Variants in MACF1 observed in about 807,000 individuals in gnomAD.
The protein encoded by MACF1 is microtubule actin crosslinking factor 1.
A neutral mutation model predicts 854.8 loss-of-function variants in MACF1; 193 were observed. That is an observed-to-expected ratio of 0.23 (90% CI 0.20 to 0.25). The LOEUF (loss-of-function observed/expected upper bound fraction) is 0.25, where lower values mean the gene tolerates loss of function less well. Ranked by LOEUF, MACF1 falls within the 10% of genes least tolerant of loss-of-function variation. The probability of loss-of-function intolerance (pLI) is 1.00; values close to 1 mark genes in which losing one functional copy is unlikely to be tolerated. For synonymous variants in MACF1, 3,185 were observed against 3,226.7 expected (o/e 0.99, Z 0.44); for missense variants, 7,722 against 8,929.1 (o/e 0.86, Z 5.45).
At chr1:39,421,524 C>T (rs1052743022) in intron 58 of MACF1, among the ~76,000 whole-genome samples, 1 of 152,106 alleles carries the variant, frequency 6.6e-6, no homozygotes, top group Non-Finnish European at 1.5e-5. Context: ...TAAATGGCCA[C>T]AGGAGGATTA....
chr1:39,277,601 C>A (rs1645462471), intron 6 of MACF1, among the ~76,000 whole-genome samples: 1 of 152,144 alleles, frequency 6.6e-6, no homozygotes, highest in African/African-American at 2.4e-5. Flanking sequence ...TAAGTTCTTG[C>A]AGGCCAAGCA....
chr1:39,393,863 G>GAGAA (rs1388310562), intron 58 of MACF1, among the ~76,000 whole-genome samples: 2 of 144,132 alleles, frequency 1.4e-5, no homozygotes, highest in African/African-American at 5.6e-5. Flanking sequence ...GAGAGAGAGA[G>GAGAA]AGAAAGAAAG....
chr1:39,177,310 C>T (rs565511698), intron 2 of MACF1, among the ~76,000 whole-genome samples: 11 of 152,246 alleles, frequency 7.2e-5, no homozygotes, highest in Non-Finnish European at 1.2e-4. Flanking sequence ...TTAGTAGAGA[C>T]GGAGTTTCTC....
chr1:39,327,616 A>G (rs1646640805), intron 36 of MACF1, among the ~76,000 whole-genome samples: 1 of 152,232 alleles, frequency 6.6e-6, no homozygotes, highest in Admixed American at 6.5e-5. Flanking sequence ...TGTGGCAGAC[A>G]GCAGTCTAGG....
At chr1:39,177,496 C>T (rs1394413453) in intron 2 of MACF1, among the ~76,000 whole-genome samples, 1 of 152,130 alleles carries the variant, frequency 6.6e-6, no homozygotes, top group Non-Finnish European at 1.5e-5. Context: ...CAGTCCCTGG[C>T]TGTCATCATT....
In MACF1 at chr1:39,302,919, T is replaced by C. The variant is rs1398823834; in HGVS notation, c.2635-5T>C. On this transcript the variant is annotated splice_region_variant and splice_polypyrimidine_tract_variant and intron_variant, in intron 22 of 100. Coordinates refer to ENST00000564288, the MANE Select transcript of MACF1 (RefSeq NM_001394062.1). The stretch of plus-strand genomic sequence containing the variant: ...TAGCAATCACTGGTAAATTTATCTC[T>C]TCAGATTACTATTTGCAAAAATGAT... 1.2e-6 allele frequency: 2 copies of C among 1,613,290 alleles called. No homozygotes were observed. Among genetic ancestry groups the C allele is most frequent in the East Asian group, 2.2e-5 (1 of 44,850 alleles).
intron 58 of MACF1, among the ~76,000 whole-genome samples, chr1:39,393,324 C>T (rs980942699): frequency 3.3e-5 from 5 of 151,116 alleles, no homozygotes; most frequent in Admixed American, 2.6e-4. Context: ...ACCAACCCCT[C>T]CTTTGCCCCC....
chr1:39,243,121 A>G (rs1028031805), intron 2 of MACF1, among the ~76,000 whole-genome samples: 1 of 152,178 alleles, frequency 6.6e-6, no homozygotes, highest in Non-Finnish European at 1.5e-5. Context: ...TGTCTTTTAT[A>G]ATATAGACAT....
In MACF1 at chr1:39,279,399, T is replaced by C. The variant is rs535140276; in HGVS notation, c.529-2809T>C. Among the ~76,000 whole-genome samples the C allele has an allele frequency of 1.1e-4, 16 of 147,406 alleles. No homozygotes were observed. The East Asian group carries it at 1.6e-3, about 14-fold the overall frequency. On this transcript the variant is annotated intron_variant, in intron 6 of 100. Transcript: ENST00000564288. ...AATATAGTGTTAAAGTTCCTGGCCCTTTTTTTTTTCCAATTTTAAAATATC... is the reference window on the plus strand; with the variant it reads ...AATATAGTGTTAAAGTTCCTGGCCCCTTTTTTTTTCCAATTTTAAAATATC...
In MACF1 at chr1:39,486,194, A is replaced by G. The variant is rs904585584; in HGVS notation, c.*400A>G. ...CTTGACTTGCTATCTCAGCAAGATA[A>G]ATTATATTAAAAAAATAAGAATCCT... On this transcript the variant is annotated 3_prime_UTR_variant, in exon 101 of 101. Coordinates refer to ENST00000564288, the MANE Select transcript of MACF1 (RefSeq NM_001394062.1). The G allele has an allele frequency of 1.9e-5, 3 of 154,538 alleles. No homozygotes were observed. The highest frequency in any genetic ancestry group is 7.2e-5 in the African/African-American group (3 of 41,658). 9.6% of individuals were successfully genotyped at this position (154,538 alleles called of 1,614,324 possible). A position where few individuals can be genotyped will look rare whatever the true frequency, so the allele number is the denominator to read the frequency against.
intron 13 of MACF1, 96 bp downstream of exon 13, chr1:39,285,486 G>T (rs1645624785): frequency 4.7e-6 from 7 of 1,479,406 alleles, no homozygotes; most frequent in Non-Finnish European, 6.5e-6. Context: ...GAGGAATCCA[G>T]ATGTATTATT....
At chr1:39,237,731 T>A (rs542897984) in intron 2 of MACF1, among the ~76,000 whole-genome samples, 12 of 151,848 alleles carry the variant, frequency 7.9e-5, no homozygotes, top group South Asian at 2.1e-4. Context: ...TTTTTTTTTT[T>A]AGACAATACT....
At chr1:39,393,196 A>AAAAAAAAAAAAAAATAT (rs57576149) in intron 58 of MACF1, among the ~76,000 whole-genome samples, 3 of 66,566 alleles carry the variant, frequency 4.5e-5, no homozygotes, top group Non-Finnish European at 7.7e-5. Context: ...AAAAAAAAAA[A>AAAAAAAAAAAAAAATAT]ATATATATAT....
intron 2 of MACF1, among the ~76,000 whole-genome samples, chr1:39,109,902 A>G (rs914413153): frequency 6.6e-6 from 1 of 152,222 alleles, no homozygotes; most frequent in Non-Finnish European, 1.5e-5. Context: ...TTTCTGAAGT[A>G]TAGTCACACA....
chr1:39,249,966 A>G (rs1047599531), intron 2 of MACF1, 48 bp from the exon 3 acceptor site: 5 of 1,071,026 alleles, frequency 4.7e-6, no homozygotes, highest in African/African-American at 1.6e-5. Flanking sequence ...GGATAGTATA[A>G]TAATTCAATA....
In MACF1 at chr1:39,378,497, G is replaced by T. The variant is rs767093615; in HGVS notation, c.13250G>T (p.Ser4417Ile). ...ILPSVGSSVG[S>I]VNGYHTCKDL... ...CCCTCTGTAGGAAGCTCTGTAGGCA[G>T]TGTAAACGGATACCACACCTGCAAA... The change falls in exon 53 of 101, where the codon AGT (serine) becomes ATT (isoleucine). Residue 4417 changes from serine to isoleucine, a missense_variant. Coordinates refer to ENST00000564288, the MANE Select transcript of MACF1 (RefSeq NM_001394062.1). The T allele has an allele frequency of 1.9e-6, 3 of 1,614,032 alleles. No homozygotes were observed. The South Asian group carries it at 3.3e-5, about 18-fold the overall frequency.
intron 58 of MACF1, 81 bp downstream of exon 58, chr1:39,388,739 T>A: frequency 7.6e-7 from 1 of 1,320,216 alleles, no homozygotes; most frequent in Non-Finnish European, 1.0e-6. Flanking sequence ...GTATACATTT[T>A]AACTTCTGTC....
At chr1:39,450,820 C>T (rs544853055) in intron 84 of MACF1, among the ~76,000 whole-genome samples, 2 of 151,944 alleles carry the variant, frequency 1.3e-5, no homozygotes, top group Admixed American at 1.3e-4. Context: ...ACCGTGTTAG[C>T]CAGGATGGTC....
At chr1:39,175,124 C>A (rs1480866618) in intron 2 of MACF1, among the ~76,000 whole-genome samples, 2 of 152,110 alleles carry the variant, frequency 1.3e-5, no homozygotes, top group Admixed American at 1.3e-4. Flanking sequence ...TTCTCCCTCC[C>A]CCACCTTGCT....
Sources: gnomAD v4.1 joint callset for allele counts (sites outside exome capture counted in the v4.1 genomes callset) on GRCh38, gnomAD v4.1.1 for gene constraint, MANE v1.5 for transcripts, NCBI Gene and HGNC (gene_info 2026-07-23, HGNC 2026-07-21) for gene names.